The following BTAF1 variants were observed in gnomAD, a reference collection of about 807,000 sequenced individuals.
BTAF1 encodes B-TFIID TATA-box binding protein associated factor 1, also known as TATA-binding protein-associated factor 172.
Under a neutral mutation model 227.1 loss-of-function variants are expected in BTAF1, and 38 were observed. The observed-to-expected ratio is 0.17, with a 90% CI of 0.13 to 0.22. The LOEUF (loss-of-function observed/expected upper bound fraction) is 0.22, where lower values mean the gene tolerates loss of function less well. Among genes scored for constraint, BTAF1 ranks in the 10% least tolerant of loss-of-function variants. The pLI, the probability that BTAF1 is intolerant of heterozygous loss-of-function variation, is 1.00. For missense variants in BTAF1, 1,598 were observed against 2,204.0 expected (o/e 0.73, Z 5.51); for synonymous variants, 742 against 751.9 (o/e 0.99, Z 0.21).
At chr10:92,019,072 T>TAA in intron 34 of BTAF1, 137 bp downstream of exon 34, 1 of 882,054 alleles carries the variant, frequency 1.1e-6, no homozygotes, top group Non-Finnish European at 1.6e-6. Flanking sequence ...TACAGCTTTT[T>TAA]GTAAAAATGT....
chr10:91,957,197 T>C, intron 7 of BTAF1, 28 bp from the exon 8 acceptor site: 1 of 1,578,686 alleles, frequency 6.3e-7, no homozygotes. Flanking sequence ...CCTTTTGAAC[T>C]AGTAGTAATT....
rs1452521875 is a variant in BTAF1, at chr10:91,982,114, A to G, written c.1937A>G (p.Gln646Arg). 6.2e-7 allele frequency: 1 copy of G among 1,613,688 alleles called. No individual in the cohort carries two copies. The highest frequency in any genetic ancestry group is 8.5e-7 in the Non-Finnish European group (1 of 1,179,866). Residue 646 changes from glutamine (Q) to arginine (R), a missense_variant, in exon 17 of 38, where the codon CAA becomes CGA. Gln to Arg is a conservative substitution (Grantham distance 43). Around this residue, in one of 10 missense-constraint regions of BTAF1, gnomAD observed 318 missense variants for 435.0 expected, o/e 0.73. Coordinates refer to ENST00000265990, the MANE Select transcript of BTAF1 (RefSeq NM_003972.3). The stretch of plus-strand genomic sequence containing the variant: ...ACAGGTGGTAAGGTGCGCCAAGGCC[A>G]AAGCCAGAATAAAGAAGTACTTCAG... ...EKTGGKVRQG[Q>R]SQNKEVLQEY... is the part of the protein sequence containing the mutation.
At position 91,982,723 on chromosome 10, in the gene BTAF1, G is replaced by A; in HGVS notation, c.2185G>A (p.Val729Ile). The change falls in exon 18 of 38, where the codon GTA (valine) becomes ATA (isoleucine). Residue 729 changes from valine (V) to isoleucine (I), a missense_variant. Val to Ile is a conservative substitution (Grantham distance 29). Transcript: ENST00000265990. Reference protein sequence around the residue: ...NSKSALQRISVALVICEWAAL... With the variant: ...NSKSALQRISIALVICEWAAL... Reference sequence around the variant, plus strand: ...CAAGTCTGCTTTACAGAGGATTAGTGTAGCTTTGGTAATCTGTGAATGGGC... The same window carrying A: ...CAAGTCTGCTTTACAGAGGATTAGTATAGCTTTGGTAATCTGTGAATGGGC... 6.2e-7 allele frequency: 1 copy of A among 1,613,330 alleles called. No individual in the cohort carries two copies. The highest frequency in any genetic ancestry group is 8.5e-7 in the Non-Finnish European group (1 of 1,179,626).
At chr10:91,988,919 T>G (rs966423243) in intron 19 of BTAF1, among the ~76,000 whole-genome samples, 1 of 152,234 alleles carries the variant, frequency 6.6e-6, no homozygotes, top group Non-Finnish European at 1.5e-5. Flanking sequence ...ATAATTTTAT[T>G]CTTCTCAAGA....
At chr10:91,942,687 A>C in intron 4 of BTAF1, 119 bp downstream of exon 4, 1 of 1,164,672 alleles carries the variant, frequency 8.6e-7, no homozygotes, top group South Asian at 1.7e-5. Context: ...AAATTAACTG[A>C]AGTTTGCAGG....
intron 1 of BTAF1, among the ~76,000 whole-genome samples, chr10:91,934,700 C>G (rs530556099): frequency 6.6e-6 from 1 of 152,286 alleles, no homozygotes; most frequent in South Asian, 2.1e-4. Context: ...ATCTCCCACT[C>G]TTCTCTTAAG....
intron 1 of BTAF1, among the ~76,000 whole-genome samples, chr10:91,925,874 A>G (rs1434348989): frequency 1.3e-5 from 2 of 152,138 alleles, no homozygotes; most frequent in East Asian, 3.9e-4. Flanking sequence ...TGGGTTTTGA[A>G]GGTACTGTCT....
chr10:92,023,576 C>G (rs1349359876), intron 34 of BTAF1, among the ~76,000 whole-genome samples: 2 of 152,132 alleles, frequency 1.3e-5, no homozygotes, highest in African/African-American at 2.4e-5. Context: ...CCCAGCTACT[C>G]AGGAGGCTGA....
intron 1 of BTAF1, among the ~76,000 whole-genome samples, chr10:91,925,516 C>CTGTTTTTTTTTTTT (rs746036208): frequency 8.7e-6 from 1 of 114,580 alleles, no homozygotes; most frequent in Non-Finnish European, 1.9e-5. Flanking sequence ...ACGCTAATCT[C>CTGTTTTTTTTTTTT]TTTTTTTTTT....
chr10:92,024,740 T>TTTTTTTG lies in BTAF1; in HGVS notation c.4864-10_4864-9insGTTTTTT. On this transcript the variant is annotated splice_polypyrimidine_tract_variant and intron_variant, in intron 34 of 37. Coordinates refer to ENST00000265990, the MANE Select transcript of BTAF1 (RefSeq NM_003972.3). ...TATTGAACGCTTATGTAGTTTTTTT[T>TTTTTTTG]TTTTTTCTTCCTAAGTTGCTGTTGG... 3.5e-6 allele frequency: 3 copies of TTTTTTTG among 866,522 alleles called. No homozygotes were observed. The highest frequency in any genetic ancestry group is 2.0e-5 in the South Asian group (1 of 50,526). The allele number at this position is 866,522 out of a possible 1,614,324, so 53.7% of individuals were successfully genotyped here. A position where few individuals can be genotyped will look rare whatever the true frequency, so the allele number is the denominator to read the frequency against.
chr10:92,016,574 G>A, intron 33 of BTAF1, 109 bp downstream of exon 33: 12 of 922,428 alleles, frequency 1.3e-5, no homozygotes, highest in South Asian at 2.2e-5. Flanking sequence ...TGCCTCCTGG[G>A]TTCAAGCTAT....
Position 92,012,552 on chromosome 10 carries a change from A to G in BTAF1, c.4312-1115A>G, listed in dbSNP as rs193301054. ...TTGGGAGGTTGAGGCGGGTGGATCA[A>G]TTGAGGTCAGGAGTTTGAGACCAGC... On this transcript the variant is annotated intron_variant, in intron 30 of 37. Transcript: ENST00000265990. Among the ~76,000 whole-genome samples the G allele has an allele frequency of 5.8e-3, 882 of 151,298 alleles. 6 individuals are homozygous for G. Among genetic ancestry groups the G allele is most frequent in the African/African-American group, 0.019 (778 of 41,250 alleles).
intron 8 of BTAF1, among the ~76,000 whole-genome samples, chr10:91,958,246 T>A (rs1846235743): frequency 6.6e-6 from 1 of 152,010 alleles, no homozygotes; most frequent in Non-Finnish European, 1.5e-5. Flanking sequence ...GAGATGGGGC[T>A]TCATCATTTT....
Position 91,960,054 on chromosome 10 carries a change from A to G in BTAF1, c.1163A>G (p.His388Arg). 2 of 1,613,946 alleles carry G rather than the reference A, an allele frequency of 1.2e-6. No homozygotes were observed. The highest frequency in any genetic ancestry group is 1.7e-6 in the Non-Finnish European group (2 of 1,179,888). ...VLKHMNETGVHKTVDVLLKLL... is the reference protein window; with the variant it reads ...VLKHMNETGVRKTVDVLLKLL... ...AAACACATGAACGAAACAGGAGTTCATAAGACTGTGGATGTGCTGCTAAAA... is the reference window on the plus strand; with the variant it reads ...AAACACATGAACGAAACAGGAGTTCGTAAGACTGTGGATGTGCTGCTAAAA... The change falls in exon 11 of 38, where the codon CAT (histidine) becomes CGT (arginine). Residue 388 changes from histidine to arginine, a missense_variant. Physicochemically the swap from His to Arg is conservative, Grantham distance 29 (BLOSUM62 0). Transcript: ENST00000265990.
At chr10:91,982,797 A>G in intron 18 of BTAF1, 36 bp downstream of exon 18, 1 of 1,538,820 alleles carries the variant, frequency 6.5e-7, no homozygotes, top group Non-Finnish European at 8.8e-7. Context: ...AAGACAAATT[A>G]AGTAAACCAA....
At chr10:91,946,958 G>C (rs1360798225) in intron 4 of BTAF1, among the ~76,000 whole-genome samples, 1 of 151,486 alleles carries the variant, frequency 6.6e-6, no homozygotes, top group Admixed American at 6.6e-5. Context: ...TCCTGCCTTG[G>C]CTTCTTCCTG....
At chr10:91,958,076 TCTCA>T (rs1302862914) in intron 8 of BTAF1, among the ~76,000 whole-genome samples, 21 of 152,086 alleles carry the variant, frequency 1.4e-4, no homozygotes, top group Middle Eastern at 3.4e-3. Context: ...TGAGATGGAG[TCTCA>T]CTCTGTCTCC....
At chr10:91,971,469 CTTTTT>C (rs11299263) in intron 14 of BTAF1, among the ~76,000 whole-genome samples, 4 of 97,420 alleles carry the variant, frequency 4.1e-5, no homozygotes, top group Non-Finnish European at 6.2e-5. Flanking sequence ...TAAAGCCAAA[CTTTTT>C]TTTTTTTTTT....
chr10:91,948,229 G>T (rs183039511), intron 4 of BTAF1, among the ~76,000 whole-genome samples: 1 of 142,096 alleles, frequency 7.0e-6, no homozygotes, highest in Admixed American at 7.6e-5. Context: ...TCATTGTTCA[G>T]TTCCCACCTA....
Sources: allele counts gnomAD v4.1 joint callset (sites outside exome capture counted in the v4.1 genomes callset), GRCh38; gene constraint gnomAD v4.1.1; regional missense constraint gnomAD v4.1.1; transcripts MANE v1.5; gene names NCBI Gene and HGNC (gene_info 2026-07-23, HGNC 2026-07-21).